Variants in PXDNL observed in about 807,000 individuals in gnomAD.
PXDNL encodes peroxidasin like, also known as probable oxidoreductase PXDNL.
PXDNL carries 145 observed loss-of-function variants against 150.8 expected under a neutral mutation model. That is an observed-to-expected ratio of 0.96 (90% CI 0.84 to 1.10). The LOEUF is 1.10. Among genes scored for constraint, PXDNL ranks in the 50% least tolerant of loss-of-function variants. The pLI, the probability that PXDNL is intolerant of heterozygous loss-of-function variation, is 0.00. For missense variants in PXDNL, 2,087 were observed against 1,873.9 expected, an observed-to-expected ratio of 1.11 and a Z score of -2.10; for synonymous variants, 757 against 725.7, an observed-to-expected ratio of 1.04 and a Z score of -0.69.
intron 19 of PXDNL, among the ~76,000 whole-genome samples, chr8:51,346,870 T>C (rs1243194202): frequency 1.3e-5 from 2 of 152,200 alleles, no homozygotes; most frequent in African/African-American, 4.8e-5. Flanking sequence ...TTCAACTGCT[T>C]TTCTTTATAA....
At chr8:51,335,891 T>C (rs1453420471) in intron 21 of PXDNL, among the ~76,000 whole-genome samples, 1 of 152,166 alleles carries the variant, frequency 6.6e-6, no homozygotes, top group East Asian at 1.9e-4. Context: ...ATAACATGTA[T>C]GAAAATTTGC....
chr8:51,805,465 A>T (rs1344558461), intron 1 of PXDNL, among the ~76,000 whole-genome samples: 3 of 148,148 alleles, frequency 2.0e-5, no homozygotes, highest in Non-Finnish European at 4.5e-5. Context: ...TATATATATT[A>T]TATATATATA....
chr8:51,735,044 T>A (rs1817004625), intron 1 of PXDNL, among the ~76,000 whole-genome samples: 1 of 152,256 alleles, frequency 6.6e-6, no homozygotes, highest in African/African-American at 2.4e-5. Flanking sequence ...GAGTATACTT[T>A]AAGTGTTCTC....
intron 2 of PXDNL, 149 bp downstream of exon 2, chr8:51,654,540 A>C (rs1031070597): frequency 4.8e-6 from 3 of 629,142 alleles, no homozygotes; most frequent in Non-Finnish European, 5.6e-6. Context: ...CAGTGTAAAG[A>C]AGCAGCAGAA....
At chr8:51,445,294 C>G (rs939966764) in intron 12 of PXDNL, among the ~76,000 whole-genome samples, 7 of 152,180 alleles carry the variant, frequency 4.6e-5, no homozygotes, top group African/African-American at 1.7e-4. Flanking sequence ...AAGTCTAGAT[C>G]TGGTGTGTTC....
At chr8:51,447,213 C>T in intron 11 of PXDNL, 51 bp from the exon 12 acceptor site, 1 of 1,580,900 alleles carries the variant, frequency 6.3e-7, no homozygotes, top group Non-Finnish European at 8.6e-7. Context: ...GCACTGAAAG[C>T]CAGAGCTGCT....
chr8:51,563,598 C>T (rs1296771289), intron 3 of PXDNL, among the ~76,000 whole-genome samples: 1 of 151,856 alleles, frequency 6.6e-6, no homozygotes, highest in African/African-American at 2.4e-5. Context: ...CTCTATTTAC[C>T]CCAAATGGTA....
chr8:51,627,677 C>A (rs1814392625), intron 2 of PXDNL, among the ~76,000 whole-genome samples: 2 of 152,112 alleles, frequency 1.3e-5, no homozygotes, highest in Non-Finnish European at 1.5e-5. Context: ...AGCAACAAAG[C>A]AAAGGCTGAA....
intron 10 of PXDNL, among the ~76,000 whole-genome samples, chr8:51,452,584 T>TGG (rs942864062): frequency 3.3e-5 from 5 of 152,306 alleles, no homozygotes; most frequent in African/African-American, 1.2e-4. Flanking sequence ...TTGGGGCCAC[T>TGG]GGGGCTCACT....
intron 19 of PXDNL, among the ~76,000 whole-genome samples, chr8:51,362,670 G>C (rs1415955521): frequency 6.6e-6 from 1 of 152,090 alleles, no homozygotes; most frequent in Non-Finnish European, 1.5e-5. Context: ...GTTTGGCCTG[G>C]GAGTTGGCCC....
chr8:51,676,170 T>G (rs1323434453), intron 1 of PXDNL, among the ~76,000 whole-genome samples: 2 of 152,166 alleles, frequency 1.3e-5, no homozygotes, highest in Non-Finnish European at 2.9e-5. Flanking sequence ...TATCTTTACC[T>G]CCTAAGAATG....
At chr8:51,342,059 T>C (rs1018525179) in intron 20 of PXDNL, among the ~76,000 whole-genome samples, 5 of 152,070 alleles carry the variant, frequency 3.3e-5, no homozygotes, top group Non-Finnish European at 5.9e-5. Flanking sequence ...AATATAAGTG[T>C]CCATCAATGG....
At chr8:51,380,676 G>T (rs1807503817) in intron 17 of PXDNL, among the ~76,000 whole-genome samples, 2 of 151,900 alleles carry the variant, frequency 1.3e-5, no homozygotes, top group African/African-American at 4.8e-5. Flanking sequence ...TGTCTTGATT[G>T]TACTTTTCAA....
At chr8:51,644,536 T>G (rs2130785468) in intron 2 of PXDNL, among the ~76,000 whole-genome samples, 1 of 150,830 alleles carries the variant, frequency 6.6e-6, no homozygotes, top group East Asian at 2.0e-4. Context: ...CTCAGCTCAT[T>G]GCAAGCTCCA....
intron 1 of PXDNL, among the ~76,000 whole-genome samples, chr8:51,744,119 A>AAAGT: frequency 2.8e-5 from 1 of 36,056 alleles, no homozygotes; most frequent in African/African-American, 5.7e-5. Context: ...AGAAAGAAAG[A>AAAGT]AAGGAAGAAA....
At chr8:51,469,951 CTT>C (rs1220763472) in intron 8 of PXDNL, among the ~76,000 whole-genome samples, 1 of 151,838 alleles carries the variant, frequency 6.6e-6, no homozygotes, top group Admixed American at 6.6e-5. Context: ...TTTTAGATTT[CTT>C]TGTTTTCCTT....
In PXDNL at chr8:51,620,749, G is replaced by C. The variant is rs370793226; in HGVS notation, c.237-28051C>G. On this transcript the variant is annotated intron_variant, in intron 2 of 22. Transcript: ENST00000356297. ...TTTAGTAGAGACGAGGTTTCCTCGT[G>C]TTGCCCAGGCTGGTCTGAACTCCTG... Among the ~76,000 whole-genome samples the C allele has an allele frequency of 6.6e-5, 10 of 152,014 alleles. No homozygotes were observed. The East Asian group carries it at 7.7e-4, about 12-fold the overall frequency.
At chr8:51,540,953 T>A (rs555690845) in intron 4 of PXDNL, among the ~76,000 whole-genome samples, 5,100 of 152,226 alleles carry the variant, frequency 0.034, 292 homozygotes, top group African/African-American at 0.12. Flanking sequence ...GTTGTTATTT[T>A]TTTTTTCAAG....
At chr8:51,714,353 T>G (rs78088738) in intron 1 of PXDNL, among the ~76,000 whole-genome samples, 12,184 of 152,272 alleles carry the variant, frequency 0.08, 722 homozygotes, top group African/African-American at 0.17. Flanking sequence ...TCCACCATCT[T>G]CATTTCATAG....
Sources: gnomAD v4.1 joint callset for allele counts (sites outside exome capture counted in the v4.1 genomes callset) on GRCh38, gnomAD v4.1.1 for gene constraint, MANE v1.5 for transcripts, NCBI Gene and HGNC (gene_info 2026-07-23, HGNC 2026-07-21) for gene names.